The following PCDHA6 variants were observed in gnomAD, a reference collection of about 807,000 sequenced individuals.
PCDHA6 encodes protocadherin alpha-6.
Under a neutral mutation model 60.3 loss-of-function variants are expected in PCDHA6, and 55 were observed. That is an observed-to-expected ratio of 0.91 (90% confidence interval 0.73 to 1.14). PCDHA6 has a LOEUF of 1.14. Ranked by LOEUF, PCDHA6 falls within the 50% of genes most tolerant of loss-of-function variation. The pLI, the probability that PCDHA6 is intolerant of heterozygous loss-of-function variation, is 0.00. For synonymous variants in PCDHA6, 652 were observed against 557.9 expected, an observed-to-expected ratio of 1.17 and a Z score of -2.38; for missense variants, 1,327 against 1,256.5, an observed-to-expected ratio of 1.06 and a Z score of -0.85.
intron 1 of PCDHA6, chr5:140,858,664 AATTT>A: frequency 1.4e-6 from 1 of 728,728 alleles, no homozygotes; most frequent in Non-Finnish European, 2.2e-6. Flanking sequence ...TTTAAATAAC[AATTT>A]ATTCTGAATA....
At chr5:140,862,748 C>T in intron 1 of PCDHA6, 1 of 577,560 alleles carries the variant, frequency 1.7e-6, no homozygotes, top group Non-Finnish European at 3.3e-6. Flanking sequence ...TGGGTGCACG[C>T]GGAGAGCGGC....
chr5:140,967,817 G>A, intron 1 of PCDHA6: 1 of 1,614,182 alleles, frequency 6.2e-7, no homozygotes. Context: ...TCACTGCAAG[G>A]TGCTGGTGGA....
chr5:141,010,384 G>T lies in PCDHA6; in HGVS notation c.*447G>T, dbSNP rs2098417140. 10 of 1,411,480 alleles carry T rather than the reference G, an allele frequency of 7.1e-6. No homozygotes were observed. In the South Asian group the frequency reaches 8.5e-5, roughly 12 times the overall value. The allele number at this position is 1,411,480 out of a possible 1,614,324, so 87.4% of individuals were successfully genotyped here. A position where few individuals can be genotyped will look rare whatever the true frequency, so the allele number is the denominator to read the frequency against. ...GCGGGTATGCGAGTGCCAGATATTGGCTGAGACGAGCCAGCTTAGACTAAT... is the reference window on the plus strand; with the variant it reads ...GCGGGTATGCGAGTGCCAGATATTGTCTGAGACGAGCCAGCTTAGACTAAT... On this transcript the variant is annotated 3_prime_UTR_variant, in exon 4 of 4. Coordinates refer to ENST00000529310, the MANE Select transcript of PCDHA6 (RefSeq NM_018909.4).
At chr5:140,955,716 A>G (rs2095221843) in intron 1 of PCDHA6, among the ~76,000 whole-genome samples, 1 of 152,220 alleles carries the variant, frequency 6.6e-6, no homozygotes, top group African/African-American at 2.4e-5. Flanking sequence ...TAATAGGAAT[A>G]CCATTGAATC....
chr5:140,925,402 T>C (rs1379767028), intron 1 of PCDHA6, among the ~76,000 whole-genome samples: 1 of 152,110 alleles, frequency 6.6e-6, no homozygotes, highest in Non-Finnish European at 1.5e-5. Context: ...CTCGCCTCCT[T>C]CTTAGGGAAA....
At chr5:141,005,095 A>T (rs1554259887) in intron 3 of PCDHA6, among the ~76,000 whole-genome samples, 1 of 152,192 alleles carries the variant, frequency 6.6e-6, no homozygotes, top group South Asian at 2.1e-4. Flanking sequence ...CTTTACATGC[A>T]TTACATCATT....
chr5:140,883,282 G>A (rs781911340), intron 1 of PCDHA6: 6 of 1,613,900 alleles, frequency 3.7e-6, no homozygotes, highest in Non-Finnish European at 5.1e-6. Context: ...CCCTTTTGGT[G>A]GAAGTACTAG....
chr5:140,851,004 AT>A (rs17844337), intron 1 of PCDHA6: 9 of 1,435,010 alleles, frequency 6.3e-6, no homozygotes, highest in Admixed American at 2.7e-5. Context: ...AATCCAGCAG[AT>A]TTTTTTTCTG....
intron 1 of PCDHA6, among the ~76,000 whole-genome samples, chr5:140,901,931 C>G (rs2068990642): frequency 6.6e-6 from 1 of 151,430 alleles, no homozygotes; most frequent in Non-Finnish European, 1.5e-5. Context: ...TGGTTAATTC[C>G]TAGGTATATT....
At chr5:140,978,587 T>C (rs1260706970) in intron 1 of PCDHA6, among the ~76,000 whole-genome samples, 5 of 152,250 alleles carry the variant, frequency 3.3e-5, no homozygotes, top group Admixed American at 6.5e-5. Context: ...GAATGTTCCC[T>C]TAATGGGGCA....
intron 1 of PCDHA6, chr5:140,882,224 G>A (rs781909276): frequency 1.5e-5 from 24 of 1,558,680 alleles, no homozygotes; most frequent in Non-Finnish European, 1.9e-5. Flanking sequence ...TTGAGGTAAG[G>A]CGTTGTATAT....
rs57893927 is a variant in PCDHA6 at position 140,946,631 on chromosome 5, T to TATATATAC, written c.2395-32317_2395-32316insTATATACA. Among the ~76,000 whole-genome samples the TATATATAC allele has an allele frequency of 9.9e-4, 130 of 131,716 alleles. 1 individual carries two copies. The highest frequency in any genetic ancestry group is 2.9e-3 in the East Asian group (14 of 4,862). 86.4% of individuals were successfully genotyped at this position (131,716 alleles called of 152,430 possible). A position where few individuals can be genotyped will look rare whatever the true frequency, so the allele number is the denominator to read the frequency against. ...TGTGAAATATATATATATATATATA[T>TATATATAC]ACAATGGAATACTCATCAGCCATTA... On this transcript the variant is annotated intron_variant, in intron 1 of 3. Coordinates refer to ENST00000529310, the MANE Select transcript of PCDHA6 (RefSeq NM_018909.4).
chr5:140,853,985 G>A (rs1007400515), intron 1 of PCDHA6: 2 of 520,646 alleles, frequency 3.8e-6, no homozygotes, highest in East Asian at 1.4e-4. Context: ...CCAATGTAGT[G>A]AGACTCATCT....
At chr5:140,881,574 A>C (rs565640252) in intron 1 of PCDHA6, among the ~76,000 whole-genome samples, 22 of 152,364 alleles carry the variant, frequency 1.4e-4, no homozygotes, top group Middle Eastern at 6.8e-3. Context: ...CTACATCTCA[A>C]GTCACATTGA....
In PCDHA6 at chr5:140,836,337, A is replaced by C. The variant is rs143048298; in HGVS notation, c.2394+5852A>C. 5 of 1,613,530 alleles carry C rather than the reference A, an allele frequency of 3.1e-6. No individual in the cohort carries two copies. The African/African-American group carries it at 6.7e-5, about 22-fold the overall frequency. ...GCGCCACCGCCTTCTGGTGCTTGTG[A>C]AGGACCACGGGGAGCCCTCGCTGAC... On this transcript the variant is annotated intron_variant, in intron 1 of 3. Transcript: ENST00000529310.
chr5:140,882,450 C>T (rs781827745), intron 1 of PCDHA6: 2 of 1,613,990 alleles, frequency 1.2e-6, no homozygotes, highest in Non-Finnish European at 1.7e-6. Flanking sequence ...GAGCTGGTGC[C>T]GCGCCTGTTC....
intron 1 of PCDHA6, chr5:140,858,267 C>G: frequency 6.3e-7 from 1 of 1,597,232 alleles, no homozygotes; most frequent in Non-Finnish European, 8.6e-7. Context: ...CTGGTGTGCT[C>G]TAGCGCGGTG....
At chr5:140,855,946 A>G in intron 1 of PCDHA6, 4 of 1,354,082 alleles carry the variant, frequency 3.0e-6, no homozygotes, top group Non-Finnish European at 4.0e-6. Flanking sequence ...GATCTCAGCC[A>G]TTTCGATAAA....
chr5:140,852,811 G>A (rs2150522776), intron 1 of PCDHA6: 7 of 973,542 alleles, frequency 7.2e-6, no homozygotes, highest in East Asian at 1.1e-4. Flanking sequence ...TTTGTCTCCC[G>A]CCCTAAGTCC....
Sources: allele counts gnomAD v4.1 joint callset (sites outside exome capture counted in the v4.1 genomes callset), GRCh38; gene constraint gnomAD v4.1.1; transcripts MANE v1.5; gene names NCBI Gene and HGNC (gene_info 2026-07-23, HGNC 2026-07-21).